The following KIAA1755 variants were observed in gnomAD, a reference collection of about 807,000 sequenced individuals.
KIAA1755 encodes KIAA1755, also known as uncharacterized protein KIAA1755.
Under a neutral mutation model 91.7 loss-of-function variants are expected in KIAA1755, and 68 were observed. That is an observed-to-expected ratio of 0.74 (90% CI 0.61 to 0.91). The LOEUF (loss-of-function observed/expected upper bound fraction) is 0.91, where lower values mean the gene tolerates loss of function less well. KIAA1755 is among the 40% of genes least tolerant of loss of function. KIAA1755 has a pLI of 0.00. For synonymous variants in KIAA1755, 610 were observed against 604.6 expected (o/e 1.01, Z -0.13); for missense variants, 1,535 against 1,494.4 (o/e 1.03, Z -0.45).
In KIAA1755 at chr20:38,246,545, A is replaced by G. The variant is rs554354385; in HGVS notation, c.4-419T>C. 2.9e-3 allele frequency among the ~76,000 whole-genome samples: 447 copies of G among 152,342 alleles called. 1 individual carries two copies. The highest frequency in any genetic ancestry group is 4.9e-3 in the Non-Finnish European group (335 of 68,028). On this transcript the variant is annotated intron_variant, in intron 1 of 13. Transcript: ENST00000279024. The stretch of plus-strand genomic sequence containing the variant: ...CCGCCTGGCTGGCCTGCAGGCCTGC[A>G]GCCTGAAGCTGAGCCACGAGGGAAG...
intron 12 of KIAA1755, chr20:38,217,975 G>T: frequency 2.0e-6 from 1 of 495,722 alleles, no homozygotes; most frequent in Non-Finnish European, 3.6e-6. Flanking sequence ...CTGTGAGGCT[G>T]AGTTATTAGG....
chr20:38,255,742 C>T (rs2076330202), intron 1 of KIAA1755, among the ~76,000 whole-genome samples: 1 of 152,112 alleles, frequency 6.6e-6, no homozygotes, highest in African/African-American at 2.4e-5. Context: ...CTTTCAGAAA[C>T]TGGGAAAACA....
intron 1 of KIAA1755, among the ~76,000 whole-genome samples, chr20:38,247,451 G>A (rs1648479593): frequency 6.6e-6 from 1 of 152,144 alleles, no homozygotes; most frequent in African/African-American, 2.4e-5. Flanking sequence ...CCTCATTCAA[G>A]ACTCAGGTCA....
chr20:38,213,686 T>A lies in KIAA1755; in HGVS notation c.2959A>T (p.Thr987Ser). The stretch of plus-strand genomic sequence containing the variant: ...TGGTCCCCAGGACTGACCCTTGAGG[T>A]CTTGTCCAGCCTGAGCTGGGCCATC... The part of the protein sequence containing the change: ...DLMAQLRLDK[T>S]SRVSPGDQRR... The change falls in exon 14 of 14, where the codon ACC becomes TCC. Residue 987 changes from threonine to serine, a missense_variant. Coordinates refer to ENST00000279024, the MANE Select transcript of KIAA1755 (RefSeq NM_001029864.2). The A allele has an allele frequency of 6.4e-7, 1 of 1,565,554 alleles. No homozygotes were observed. The highest frequency in any genetic ancestry group is 8.7e-7 in the Non-Finnish European group (1 of 1,155,230).
chr20:38,222,934 C>T (rs984084278), intron 9 of KIAA1755: 2 of 376,906 alleles, frequency 5.3e-6, no homozygotes, highest in Non-Finnish European at 1.0e-5. Context: ...TGGTTTAAAA[C>T]TCTCCAGTGG....
At position 38,241,813 on chromosome 20, in the gene KIAA1755, G is replaced by T. The variant is rs1273004922; in HGVS notation, c.318C>A (p.Tyr106Ter). The T allele has an allele frequency of 6.2e-7, 1 of 1,614,198 alleles. No individual in the cohort carries two copies. The highest frequency in any genetic ancestry group is 1.7e-5 in the Admixed American group (1 of 60,036). The change falls in exon 3 of 14, where the codon TAC (tyrosine) becomes TAA (stop). Residue 106 changes from tyrosine (Y) to a stop codon, truncating the protein, a stop_gained. Coordinates refer to ENST00000279024, the MANE Select transcript of KIAA1755 (RefSeq NM_001029864.2). LOFTEE classifies it high-confidence loss of function. ...NPLLLRQGDF[Y>*]LQVEPQEEQS... The stretch of plus-strand genomic sequence containing the variant: ...GCTCCTCCTGGGGCTCCACTTGGAG[G>T]TAGAAGTCACCCTGGCGCAATAAGA...
At chr20:38,214,248 G>A (rs1247602563) in intron 13 of KIAA1755, among the ~76,000 whole-genome samples, 1 of 152,160 alleles carries the variant, frequency 6.6e-6, no homozygotes, top group East Asian at 1.9e-4. Flanking sequence ...ACTGCGCCCA[G>A]CCCATCAGAC....
In KIAA1755 at chr20:38,212,979, C is replaced by T. The variant is rs2075473693; in HGVS notation, c.*63G>A. 1 of 1,301,986 alleles carries T rather than the reference C, an allele frequency of 7.7e-7. No homozygotes were observed. Among genetic ancestry groups the T allele is most frequent in the South Asian group, 1.5e-5 (1 of 67,586 alleles). The allele number at this position is 1,301,986 out of a possible 1,614,324, so 80.7% of individuals were successfully genotyped here. Reference sequence around the variant, plus strand: ...TGGGACTGACCAGAGCTCCCAGCTACCCCTCCAGCTGGGCCCTGGCCCAGT... The same window carrying T: ...TGGGACTGACCAGAGCTCCCAGCTATCCCTCCAGCTGGGCCCTGGCCCAGT... On this transcript the variant is annotated 3_prime_UTR_variant, in exon 14 of 14. Coordinates refer to ENST00000279024, the MANE Select transcript of KIAA1755 (RefSeq NM_001029864.2).
At chr20:38,227,303 G>T in intron 6 of KIAA1755, 63 bp from the exon 7 acceptor site, 1 of 1,287,576 alleles carries the variant, frequency 7.8e-7, no homozygotes, top group South Asian at 1.2e-5. Flanking sequence ...CACACACTTT[G>T]ATTTCCTCCT....
intron 11 of KIAA1755, among the ~76,000 whole-genome samples, chr20:38,218,728 G>GGT (rs377110880): frequency 5.3e-5 from 8 of 152,106 alleles, no homozygotes; most frequent in Non-Finnish European, 1.0e-4. Context: ...TCCCTGTTCG[G>GGT]GTGTGTGTGT....
chr20:38,239,732 A>G lies in KIAA1755; in HGVS notation c.1550-7T>C, dbSNP rs377102921. Reference sequence around the variant, plus strand: ...TTGGTCTGAGTTGTTCCAGCTGGGAAAAAGCAACAACAAAGAAAAGGACGT... The same window carrying G: ...TTGGTCTGAGTTGTTCCAGCTGGGAGAAAGCAACAACAAAGAAAAGGACGT... On this transcript the variant is annotated splice_polypyrimidine_tract_variant and splice_region_variant and intron_variant, in intron 3 of 13. Coordinates refer to ENST00000279024, the MANE Select transcript of KIAA1755 (RefSeq NM_001029864.2). The G allele has an allele frequency of 1.9e-6, 3 of 1,610,306 alleles. No homozygotes were observed. Among genetic ancestry groups the G allele is most frequent in the Non-Finnish European group, 2.5e-6 (3 of 1,179,808 alleles).
chr20:38,248,948 C>T (rs974139187), intron 1 of KIAA1755, among the ~76,000 whole-genome samples: 8 of 152,008 alleles, frequency 5.3e-5, no homozygotes, highest in Non-Finnish European at 1.2e-4. Context: ...TATCTCGGCT[C>T]ACTGCAGTCT....
At chr20:38,258,737 G>C (rs1292543240) in intron 1 of KIAA1755, among the ~76,000 whole-genome samples, 1 of 152,220 alleles carries the variant, frequency 6.6e-6, no homozygotes, top group East Asian at 1.9e-4. Context: ...AGCAAGGCTG[G>C]AGTGGCTGGA....
At position 38,241,584 on chromosome 20, in the gene KIAA1755, T is replaced by A; in HGVS notation, c.547A>T (p.Ser183Cys). 1 of 1,614,238 alleles carries A rather than the reference T, an allele frequency of 6.2e-7. No individual in the cohort carries two copies. Among genetic ancestry groups the A allele is most frequent in the Non-Finnish European group, 8.5e-7 (1 of 1,180,044 alleles). ...IAPVPWTKIT[S>C]PEFVDDRPQV... The stretch of plus-strand genomic sequence containing the variant: ...GGTCTGTCATCCACAAACTCTGGGC[T>A]GGTTATCTTGGTCCAAGGCACAGGG... The change falls in exon 3 of 14, where the codon AGC (serine) becomes TGC (cysteine). Residue 183 changes from serine to cysteine, a missense_variant. Transcript: ENST00000279024.
At position 38,248,785 on chromosome 20, in the gene KIAA1755, G is replaced by A. The variant is rs144973322; in HGVS notation, c.4-2659C>T. On this transcript the variant is annotated intron_variant, in intron 1 of 13. Coordinates refer to ENST00000279024, the MANE Select transcript of KIAA1755 (RefSeq NM_001029864.2). ...CCGATCTCTGCTTGCTGCAGCCTCC[G>A]CCTTCTGGGTTGAAGCGATTCTCCT... Among the ~76,000 whole-genome samples, 220 of 151,300 alleles carry A rather than the reference G, an allele frequency of 1.5e-3. 4 individuals are homozygous for A. The East Asian group carries it at 0.038, about 26-fold the overall frequency.
intron 4 of KIAA1755, chr20:38,233,492 C>T (rs2075905189): frequency 6.6e-6 from 1 of 152,148 alleles, no homozygotes; most frequent in Non-Finnish European, 1.5e-5. Flanking sequence ...GGAAATGCTA[C>T]ATCACATACC....
rs2076072222 is a variant in KIAA1755 at position 38,241,769 on chromosome 20, A to G, written c.362T>C (p.Ile121Thr). Reference sequence around the variant, plus strand: ...GCAGAGGTCCAGGGAGAGGCATTTGATCATGATGCAGACAGACTGCTCCTC... The same window carrying G: ...GCAGAGGTCCAGGGAGAGGCATTTGGTCATGATGCAGACAGACTGCTCCTC... ...PQEEQSVCIM[I>T]KCLSLDLCTV... Residue 121 changes from isoleucine to threonine, a missense_variant, in exon 3 of 14, where the codon ATC becomes ACC. By Grantham distance (89) the Ile-to-Thr change is moderately conservative. Coordinates refer to ENST00000279024, the MANE Select transcript of KIAA1755 (RefSeq NM_001029864.2). The G allele has an allele frequency of 3.1e-6, 5 of 1,614,188 alleles. No homozygotes were observed. The highest frequency in any genetic ancestry group is 1.3e-5 in the African/African-American group (1 of 75,030).
intron 1 of KIAA1755, among the ~76,000 whole-genome samples, chr20:38,255,208 C>T (rs570547364): frequency 3.9e-4 from 59 of 152,210 alleles, no homozygotes; most frequent in African/African-American, 1.4e-3. Context: ...TTCCATCTTC[C>T]TGCCTCAGGC....
intron 1 of KIAA1755, among the ~76,000 whole-genome samples, chr20:38,258,168 T>C (rs1489428372): frequency 6.6e-6 from 1 of 152,206 alleles, no homozygotes; most frequent in Non-Finnish European, 1.5e-5. Flanking sequence ...CCCAAAGTGC[T>C]GAGATTACAG....
Sources: allele counts gnomAD v4.1 joint callset (sites outside exome capture counted in the v4.1 genomes callset), GRCh38; gene constraint gnomAD v4.1.1; transcripts MANE v1.5; gene names NCBI Gene and HGNC (gene_info 2026-07-23, HGNC 2026-07-21).